MAP3K5: variants seen among roughly 807,000 people sequenced by gnomAD.
The protein encoded by MAP3K5 is ASK-1.
Under a neutral mutation model 158.7 loss-of-function variants are expected in MAP3K5, and 56 were observed. The observed-to-expected ratio is 0.35, with a 90% CI of 0.28 to 0.44. The LOEUF (loss-of-function observed/expected upper bound fraction) is 0.44. Among genes scored for constraint, MAP3K5 ranks in the 20% least tolerant of loss-of-function variants. MAP3K5 has a pLI of 1.00. For synonymous variants in MAP3K5, 579 were observed against 601.7 expected, an observed-to-expected ratio of 0.96 and a Z score of 0.55; for missense variants, 1,294 against 1,674.8, an observed-to-expected ratio of 0.77 and a Z score of 3.97.
chr6:136,763,704 G>A (rs1215372661), intron 1 of MAP3K5, among the ~76,000 whole-genome samples: 3 of 152,182 alleles, frequency 2.0e-5, no homozygotes, highest in Admixed American at 2.0e-4. Flanking sequence ...AGCTACTGCT[G>A]TGGTTTGAAC....
intron 7 of MAP3K5, among the ~76,000 whole-genome samples, chr6:136,684,963 C>T (rs1372814073): frequency 6.6e-6 from 1 of 152,160 alleles, no homozygotes; most frequent in Non-Finnish European, 1.5e-5. Context: ...CTCTGTCTCA[C>T]ATAAGAGTCA....
intron 7 of MAP3K5, among the ~76,000 whole-genome samples, chr6:136,675,871 T>C (rs1273291233): frequency 1.3e-5 from 2 of 152,042 alleles, no homozygotes; most frequent in East Asian, 3.8e-4. Context: ...AGACTTCTCA[T>C]GAAAGAGAGA....
chr6:136,760,050 T>A (rs373599003), intron 1 of MAP3K5, among the ~76,000 whole-genome samples: 1 of 152,192 alleles, frequency 6.6e-6, no homozygotes. Context: ...AATTTTTGAA[T>A]CCTGTTCTTA....
chr6:136,650,522 G>A (rs1246795161), intron 11 of MAP3K5, among the ~76,000 whole-genome samples: 1 of 152,220 alleles, frequency 6.6e-6, no homozygotes, highest in Admixed American at 6.5e-5. Flanking sequence ...TGAGTCAGTG[G>A]CTAATCTGAG....
intron 15 of MAP3K5, among the ~76,000 whole-genome samples, chr6:136,621,660 C>T (rs1407619099): frequency 6.6e-6 from 1 of 152,168 alleles, no homozygotes; most frequent in Non-Finnish European, 1.5e-5. Context: ...GCTTTAGCCC[C>T]CTTAGGTGAG....
Position 136,659,180 on chromosome 6 carries a change from G to C in MAP3K5, c.1526+39C>G, listed in dbSNP as rs188038904. Reference sequence around the variant, plus strand: ...TATAATATGGGAACAATATGGAGCTGTTTATTAATTGTATCAACATATAAT... The same window carrying C: ...TATAATATGGGAACAATATGGAGCTCTTTATTAATTGTATCAACATATAAT... On this transcript the variant is annotated intron_variant, in intron 9 of 29. Coordinates refer to ENST00000359015, the MANE Select transcript of MAP3K5 (RefSeq NM_005923.4). The C allele has an allele frequency of 7.2e-6, 11 of 1,524,576 alleles. No homozygotes were observed. The African/African-American group carries it at 1.5e-4, about 21-fold the overall frequency. The allele number at this position is 1,524,576 out of a possible 1,614,324, so 94.4% of individuals were successfully genotyped here.
At chr6:136,576,962 G>A (rs529420880) in intron 25 of MAP3K5, among the ~76,000 whole-genome samples, 2 of 151,862 alleles carry the variant, frequency 1.3e-5, no homozygotes, top group African/African-American at 4.8e-5. Flanking sequence ...TAAGGCCTGC[G>A]CATCTAGTAG....
chr6:136,588,357 T>C (rs1775230549), intron 23 of MAP3K5, among the ~76,000 whole-genome samples: 1 of 152,226 alleles, frequency 6.6e-6, no homozygotes, highest in African/African-American at 2.4e-5. Flanking sequence ...TCTGTGCCTG[T>C]TTCCTCATTC....
chr6:136,748,097 T>G (rs913710603), intron 1 of MAP3K5, among the ~76,000 whole-genome samples: 8 of 152,226 alleles, frequency 5.3e-5, no homozygotes, highest in Non-Finnish European at 1.0e-4. Flanking sequence ...AAAGCAGTAT[T>G]CCTTGAGTCA....
chr6:136,767,729 C>G (rs1784023130), intron 1 of MAP3K5, among the ~76,000 whole-genome samples: 1 of 152,064 alleles, frequency 6.6e-6, no homozygotes, highest in African/African-American at 2.4e-5. Flanking sequence ...CCAAAATAGC[C>G]TAAACAGTCT....
chr6:136,707,558 G>T (rs956652977), intron 2 of MAP3K5, among the ~76,000 whole-genome samples: 6 of 113,770 alleles, frequency 5.3e-5, no homozygotes, highest in South Asian at 2.5e-4. Flanking sequence ...AGAGGTACTT[G>T]GGGGGGGGGG....
chr6:136,685,708 C>T (rs2114616382), intron 7 of MAP3K5, among the ~76,000 whole-genome samples: 1 of 152,232 alleles, frequency 6.6e-6, no homozygotes, highest in East Asian at 1.9e-4. Flanking sequence ...GACTGACTAC[C>T]TGCCCTAACA....
At chr6:136,718,101 T>A (rs1489112130) in intron 2 of MAP3K5, among the ~76,000 whole-genome samples, 1 of 152,228 alleles carries the variant, frequency 6.6e-6, no homozygotes, top group Non-Finnish European at 1.5e-5. Flanking sequence ...CTATATCACC[T>A]TAGGCAAATG....
intron 8 of MAP3K5, among the ~76,000 whole-genome samples, chr6:136,659,800 T>C (rs933044048): frequency 9.8e-5 from 15 of 152,342 alleles, no homozygotes; most frequent in African/African-American, 2.9e-4. Context: ...AATAGTGGTG[T>C]TGGCTGCGTA....
chr6:136,589,664 C>T (rs1359785080), intron 23 of MAP3K5, among the ~76,000 whole-genome samples: 1 of 152,024 alleles, frequency 6.6e-6, no homozygotes, highest in Non-Finnish European at 1.5e-5. Context: ...GGCCCTAATC[C>T]AATTGAACTG....
chr6:136,640,664 C>A (rs1583322477), intron 12 of MAP3K5, among the ~76,000 whole-genome samples: 1 of 152,198 alleles, frequency 6.6e-6, no homozygotes, highest in East Asian at 1.9e-4. Context: ...GCTGTGAATT[C>A]CTCAAGAGAG....
intron 1 of MAP3K5, among the ~76,000 whole-genome samples, chr6:136,771,529 C>A (rs907013426): frequency 5.9e-5 from 9 of 152,148 alleles, no homozygotes; most frequent in Admixed American, 3.3e-4. Flanking sequence ...AAGTTACTAC[C>A]CTTTCCTGAG....
rs1780710792 is a variant in MAP3K5 at position 136,698,635 on chromosome 6, A to T, written c.660T>A (p.His220Gln). 6.8e-6 allele frequency: 11 copies of T among 1,614,010 alleles called. No individual in the cohort carries two copies. The highest frequency in any genetic ancestry group is 9.3e-6 in the Non-Finnish European group (11 of 1,179,942). Residue 220 changes from histidine (H) to glutamine (Q), a missense_variant, in exon 4 of 30, where the codon CAT becomes CAA. Coordinates refer to ENST00000359015, the MANE Select transcript of MAP3K5 (RefSeq NM_005923.4). ...YTFVPYMITP[H>Q]NKVYCCDSSF... ...TGCTGTCACAGCAGTAGACTTTGTT[A>T]TGTGGAGTTATCATGTAAGGAACAA...
intron 24 of MAP3K5, 70 bp from the exon 25 acceptor site, chr6:136,580,476 G>A (rs1774821276): frequency 1.1e-6 from 1 of 879,656 alleles, no homozygotes; most frequent in African/African-American, 1.6e-5. Context: ...CGAAGCACTT[G>A]TATGAAGTTC....
Sources: allele counts gnomAD v4.1 joint callset (sites outside exome capture counted in the v4.1 genomes callset), GRCh38; gene constraint gnomAD v4.1.1; transcripts MANE v1.5; gene names NCBI Gene and HGNC (gene_info 2026-07-23, HGNC 2026-07-21).